The following TMTC1 variants were observed in gnomAD, a reference collection of about 807,000 sequenced individuals.
TMTC1 encodes protein O-mannosyl-transferase TMTC1.
Under a neutral mutation model 104.8 loss-of-function variants are expected in TMTC1, and 73 were observed. That is an observed-to-expected ratio of 0.70 (90% CI 0.58 to 0.85). The LOEUF (loss-of-function observed/expected upper bound fraction) is 0.85, where lower values mean the gene tolerates loss of function less well. TMTC1 is among the 40% of genes least tolerant of loss of function. The pLI, the probability that TMTC1 is intolerant of heterozygous loss-of-function variation, is 0.00. For synonymous variants in TMTC1, 434 were observed against 428.7 expected, an observed-to-expected ratio of 1.01 and a Z score of -0.15; for missense variants, 1,035 against 1,096.1, an observed-to-expected ratio of 0.94 and a Z score of 0.79.
intron 10 of TMTC1, among the ~76,000 whole-genome samples, chr12:29,544,440 A>G (rs953427561): frequency 4.6e-5 from 7 of 151,974 alleles, no homozygotes; most frequent in African/African-American, 1.7e-4. Context: ...TGCAGCTCAC[A>G]CACACACCTC....
rs551452226 is a variant in TMTC1 at position 29,554,789 on chromosome 12, G to A, written c.1676+2068C>T. Reference sequence around the variant, plus strand: ...GAGTCTGGGAGGCAGAGGTTGCAGCGAGCCATAATAACACCACTGAACTCT... The same window carrying A: ...GAGTCTGGGAGGCAGAGGTTGCAGCAAGCCATAATAACACCACTGAACTCT... On this transcript the variant is annotated intron_variant, in intron 10 of 17. Transcript: ENST00000539277. Among the ~76,000 whole-genome samples, 24 of 152,194 alleles carry A rather than the reference G, an allele frequency of 1.6e-4. No homozygotes were observed. The South Asian group carries it at 3.5e-3, about 22-fold the overall frequency.
chr12:29,506,676 C>A lies in TMTC1; in HGVS notation c.*170G>T. 2.7e-6 allele frequency: 2 copies of A among 733,726 alleles called. No individual in the cohort carries two copies. Among genetic ancestry groups the A allele is most frequent in the South Asian group, 3.9e-5 (2 of 51,460 alleles). 45.5% of individuals were successfully genotyped at this position (733,726 alleles called of 1,614,324 possible). The stretch of plus-strand genomic sequence containing the variant: ...TGTTTTCGTCTTCTTCATGGAAAAG[C>A]AAGTCCTTCAGCACTGGGCTACCAG... On this transcript the variant is annotated 3_prime_UTR_variant, in exon 18 of 18. Coordinates refer to ENST00000539277, the MANE Select transcript of TMTC1 (RefSeq NM_001193451.2).
chr12:29,646,080 T>A (rs955096504), intron 5 of TMTC1, among the ~76,000 whole-genome samples: 1 of 152,134 alleles, frequency 6.6e-6, no homozygotes, highest in Non-Finnish European at 1.5e-5. Flanking sequence ...CCATTAGCAT[T>A]TCTTTATCAA....
intron 9 of TMTC1, among the ~76,000 whole-genome samples, chr12:29,571,666 C>T (rs374179104): frequency 1.3e-5 from 2 of 151,304 alleles, no homozygotes; most frequent in South Asian, 2.1e-4. Context: ...CTATTTAATA[C>T]AACTTTCAGG....
intron 11 of TMTC1, among the ~76,000 whole-genome samples, chr12:29,526,601 T>TA (rs1432629635): frequency 6.6e-6 from 1 of 152,174 alleles, no homozygotes; most frequent in East Asian, 1.9e-4. Context: ...ATGTGATCTT[T>TA]AAGTTATCAG....
intron 1 of TMTC1, among the ~76,000 whole-genome samples, chr12:29,770,234 T>A (rs1427944263): frequency 6.6e-6 from 1 of 152,220 alleles, no homozygotes; most frequent in South Asian, 2.1e-4. Flanking sequence ...ATTATTACTA[T>A]GTTACCTATA....
At chr12:29,564,960 C>A (rs566259289) in intron 9 of TMTC1, among the ~76,000 whole-genome samples, 1 of 152,004 alleles carries the variant, frequency 6.6e-6, no homozygotes, top group African/African-American at 2.4e-5. Context: ...CAGCCTTAGG[C>A]GTGAAAAATG....
At chr12:29,723,475 C>A (rs1227284151) in intron 5 of TMTC1, among the ~76,000 whole-genome samples, 15 of 152,096 alleles carry the variant, frequency 9.9e-5, no homozygotes, top group African/African-American at 3.6e-4. Flanking sequence ...AATCCCAGCA[C>A]TTTGGGAGGC....
chr12:29,637,904 A>G (rs931180926), intron 5 of TMTC1, among the ~76,000 whole-genome samples: 1 of 152,222 alleles, frequency 6.6e-6, no homozygotes, highest in African/African-American at 2.4e-5. Flanking sequence ...ACTTTTGCCT[A>G]CAAAATCTTT....
At chr12:29,554,734 G>A (rs183741265) in intron 10 of TMTC1, among the ~76,000 whole-genome samples, 5 of 151,896 alleles carry the variant, frequency 3.3e-5, no homozygotes, top group Non-Finnish European at 5.9e-5. Flanking sequence ...AGCCAGCCAT[G>A]GGGGGGCATG....
chr12:29,618,667 C>G (rs1036793932), intron 6 of TMTC1, among the ~76,000 whole-genome samples: 1 of 151,912 alleles, frequency 6.6e-6, no homozygotes, highest in Non-Finnish European at 1.5e-5. Context: ...CCTAAAGAAT[C>G]TGACAGTCAA....
intron 7 of TMTC1, among the ~76,000 whole-genome samples, chr12:29,588,231 G>C (rs1215009863): frequency 1.3e-5 from 2 of 152,194 alleles, no homozygotes; most frequent in Non-Finnish European, 2.9e-5. Context: ...CCTTGCACTT[G>C]TCAGAACAGA....
chr12:29,502,309 A>C lies in TMTC1; in HGVS notation c.*4537T>G, dbSNP rs542933434. On this transcript the variant is annotated 3_prime_UTR_variant, in exon 18 of 18. Coordinates refer to ENST00000539277, the MANE Select transcript of TMTC1 (RefSeq NM_001193451.2). The stretch of plus-strand genomic sequence containing the variant: ...ATCCTCTAAATTTATTATTTTAAGA[A>C]GGTGAATCCACCACAAATCAAAGCA... The C allele has an allele frequency of 4.6e-5, 7 of 151,590 alleles. No homozygotes were observed. The highest frequency in any genetic ancestry group is 1.7e-4 in the African/African-American group (7 of 41,250). The allele number at this position is 151,590 out of a possible 1,614,324, so 9.4% of individuals were successfully genotyped here.
intron 9 of TMTC1, among the ~76,000 whole-genome samples, chr12:29,563,383 T>C (rs915153114): frequency 6.6e-6 from 1 of 152,160 alleles, no homozygotes; most frequent in African/African-American, 2.4e-5. Flanking sequence ...ATGAGTGCAC[T>C]CTGGTTGATG....
At chr12:29,520,831 T>TA in intron 11 of TMTC1, 111 bp from the exon 12 acceptor site, 1 of 782,094 alleles carries the variant, frequency 1.3e-6, no homozygotes, top group East Asian at 2.6e-5. Flanking sequence ...ACTAAGCACC[T>TA]AATATACAAC....
At chr12:29,693,251 T>A (rs1392865621) in intron 5 of TMTC1, among the ~76,000 whole-genome samples, 1 of 144,924 alleles carries the variant, frequency 6.9e-6, no homozygotes, top group African/African-American at 2.5e-5. Flanking sequence ...TGACACATAA[T>A]AATTATACAT....
rs990240090 is a variant in TMTC1, at chr12:29,598,846, C to T, written c.1250+5332G>A. Among the ~76,000 whole-genome samples the T allele has an allele frequency of 7.9e-5, 12 of 152,272 alleles. 1 individual carries two copies. The East Asian group carries it at 1.4e-3, about 17-fold the overall frequency. ...TCAGTGGAGTTTTCAGAGTTTCCTACGTATATAAATTTAATGTTGTCTGCA... is the reference window on the plus strand; with the variant it reads ...TCAGTGGAGTTTTCAGAGTTTCCTATGTATATAAATTTAATGTTGTCTGCA... On this transcript the variant is annotated intron_variant, in intron 7 of 17. Coordinates refer to ENST00000539277, the MANE Select transcript of TMTC1 (RefSeq NM_001193451.2).
At chr12:29,523,762 G>A (rs1944253766) in intron 11 of TMTC1, among the ~76,000 whole-genome samples, 1 of 152,004 alleles carries the variant, frequency 6.6e-6, no homozygotes, top group African/African-American at 2.4e-5. Context: ...GGAATCTCTT[G>A]TTTTTTGGAG....
chr12:29,528,642 T>A (rs1944414015), intron 11 of TMTC1, among the ~76,000 whole-genome samples: 1 of 152,194 alleles, frequency 6.6e-6, no homozygotes, highest in South Asian at 2.1e-4. Flanking sequence ...AATCGTGTGT[T>A]TGGAAAACTT....
Sources: gnomAD v4.1 joint callset for allele counts (sites outside exome capture counted in the v4.1 genomes callset) on GRCh38, gnomAD v4.1.1 for gene constraint, MANE v1.5 for transcripts, NCBI Gene and HGNC (gene_info 2026-07-23, HGNC 2026-07-21) for gene names.